CPZ: variants seen among roughly 807,000 people sequenced by gnomAD.
CPZ encodes carboxypeptidase Z.
A neutral mutation model predicts 61.8 loss-of-function variants in CPZ; 103 were observed. The ratio of observed to expected loss-of-function variants is 1.67; its 90% confidence interval spans 1.42 to 1.96. The LOEUF is 1.96. Ranked by LOEUF, CPZ falls within the 30% of genes most tolerant of loss-of-function variation. The probability of loss-of-function intolerance (pLI) is 0.00; values close to 1 mark genes in which losing one functional copy is unlikely to be tolerated. For missense variants in CPZ, 1,461 were observed against 914.9 expected (o/e 1.60, Z -7.70); for synonymous variants, 551 against 373.7 (o/e 1.47, Z -5.47).
rs1713895820 is a variant in CPZ, at chr4:8,592,890, G to C, written c.57G>C (p.Arg19=). ...LLTVLVVAAA[R]PGCEFERNPA... ...CAGTCCTGGTCGTCGCCGCTGCCCGGCCGGGGTGCGAGTTTGAGCGGAACC... is the reference window on the plus strand; with the variant it reads ...CAGTCCTGGTCGTCGCCGCTGCCCGCCCGGGGTGCGAGTTTGAGCGGAACC... The change falls in exon 1 of 11, where the codon CGG becomes CGC. Residue 19 remains arginine (R), a synonymous_variant. Coordinates refer to ENST00000360986, the MANE Select transcript of CPZ (RefSeq NM_001014447.3). The C allele has an allele frequency of 1.3e-6, 2 of 1,533,964 alleles. No homozygotes were observed. The highest frequency in any genetic ancestry group is 1.4e-5 in the African/African-American group (1 of 72,684).
chr4:8,599,570 C>T (rs758354338), intron 2 of CPZ, 85 bp downstream of exon 2: 101 of 1,584,236 alleles, frequency 6.4e-5, no homozygotes, highest in Middle Eastern at 1.7e-4. Context: ...CAGCTGAATC[C>T]GTGATTTCAG....
At chr4:8,606,693 G>T (rs1218040378) in intron 5 of CPZ, 44 bp from the exon 6 acceptor site, 7 of 1,612,266 alleles carry the variant, frequency 4.3e-6, no homozygotes. Context: ...GAGGAGGGTG[G>T]GGTGTGCTGA....
chr4:8,617,787 C>T (rs1560305330), intron 9 of CPZ, among the ~76,000 whole-genome samples: 1 of 152,088 alleles, frequency 6.6e-6, no homozygotes, highest in African/African-American at 2.4e-5. Context: ...AGAGCAGGGG[C>T]CGTGTGGGTG....
rs34198410 is a variant in CPZ, at chr4:8,619,335, CAA to C, written c.1679_1680del (p.Lys560SerfsTer71). ...TCATTGCCCAAGCCCCTGGCTACGC[CAA>C]AGTCATCAAGAAAGTCATCATCCCC... ...IVIAQAPGYA[K>X]VIKKVIIPAR... is the part of the protein sequence containing the mutation. On this transcript the variant is annotated frameshift_variant, in exon 11 of 11. Coordinates refer to ENST00000360986, the MANE Select transcript of CPZ (RefSeq NM_001014447.3). LOFTEE classifies it low-confidence loss of function (END_TRUNC). 4.3e-6 allele frequency: 7 copies of C among 1,614,172 alleles called. No homozygotes were observed. In the East Asian group the frequency reaches 1.3e-4, roughly 31 times the overall value.
intron 3 of CPZ, chr4:8,603,131 C>T (rs769529359): frequency 2.6e-5 from 4 of 152,246 alleles, no homozygotes; most frequent in Non-Finnish European, 5.9e-5. Flanking sequence ...TGAGCAGAAG[C>T]AAAACCACAG....
At chr4:8,611,804 C>T (rs1715719768) in intron 7 of CPZ, among the ~76,000 whole-genome samples, 4 of 152,036 alleles carry the variant, frequency 2.6e-5, no homozygotes, top group Admixed American at 2.0e-4. Context: ...GGACCTGGCC[C>T]CGAACTCCAG....
rs760149561 is a variant in CPZ at position 8,618,415 on chromosome 4, C to T, written c.1504-14C>T. 1.9e-6 allele frequency: 3 copies of T among 1,613,534 alleles called. No homozygotes were observed. Among genetic ancestry groups the T allele is most frequent in the Non-Finnish European group, 2.5e-6 (3 of 1,179,746 alleles). On this transcript the variant is annotated splice_polypyrimidine_tract_variant and intron_variant, in intron 9 of 10. Coordinates refer to ENST00000360986, the MANE Select transcript of CPZ (RefSeq NM_001014447.3). ...GCTCACGCCATCTCCCTGGCCTCCC[C>T]TTGGTCTCTTCAGGTGCACCGGGGC...
intron 7 of CPZ, among the ~76,000 whole-genome samples, chr4:8,608,670 G>A (rs529403139): frequency 7.3e-5 from 11 of 150,966 alleles, no homozygotes; most frequent in East Asian, 1.9e-4. Context: ...ATGTGCACAC[G>A]TGCATATGTT....
rs774574624 is a variant in CPZ at position 8,606,097 on chromosome 4, AC to A, written c.823del (p.Arg275AlafsTer17). The A allele has an allele frequency of 1.2e-6, 2 of 1,613,812 alleles. No homozygotes were observed. Among genetic ancestry groups the A allele is most frequent in the East Asian group, 2.2e-5 (1 of 44,856 alleles). ...QYLCSEYLLG[N>X]PRIQRLLNTT... ...CTGTGCTCTGAGTACCTGCTTGGTA[AC>A]CCCCGCATCCAGCGCCTGCTCAACA... On this transcript the variant is annotated frameshift_variant, in exon 5 of 11. Transcript: ENST00000360986. LOFTEE classifies it high-confidence loss of function.
intron 9 of CPZ, among the ~76,000 whole-genome samples, chr4:8,616,775 G>A (rs900003871): frequency 6.6e-6 from 1 of 152,172 alleles, no homozygotes; most frequent in Admixed American, 6.5e-5. Flanking sequence ...TACTTTTTAT[G>A]CTCTCCCTCC....
Position 8,619,623 on chromosome 4 carries a change from G to A in CPZ, c.*6G>A, listed in dbSNP as rs1480750104. 2 of 1,479,856 alleles carry A rather than the reference G, an allele frequency of 1.4e-6. No individual in the cohort carries two copies. Among genetic ancestry groups the A allele is most frequent in the Non-Finnish European group, 1.8e-6 (2 of 1,116,936 alleles). The allele number at this position is 1,479,856 out of a possible 1,614,324, so 91.7% of individuals were successfully genotyped here. A position where few individuals can be genotyped will look rare whatever the true frequency, so the allele number is the denominator to read the frequency against. ...GCTGGCTGCTCAAGTACTAGCCCCGGCCCCAGCACCCGCCAGGATGTGGAG... is the reference window on the plus strand; with the variant it reads ...GCTGGCTGCTCAAGTACTAGCCCCGACCCCAGCACCCGCCAGGATGTGGAG... On this transcript the variant is annotated 3_prime_UTR_variant, in exon 11 of 11. Coordinates refer to ENST00000360986, the MANE Select transcript of CPZ (RefSeq NM_001014447.3).
intron 3 of CPZ, chr4:8,602,959 T>A (rs1714682583): frequency 6.6e-6 from 1 of 152,316 alleles, no homozygotes; most frequent in Non-Finnish European, 1.5e-5. Context: ...GCTCAGTCCC[T>A]GTAGAGGTGG....
intron 8 of CPZ, 59 bp downstream of exon 8, chr4:8,612,221 G>GGGGGGC: frequency 2.4e-5 from 5 of 206,190 alleles, no homozygotes; most frequent in Non-Finnish European, 1.9e-5. Flanking sequence ...GCTGGGTGGG[G>GGGGGGC]CAGGGGCAAG....
chr4:8,613,442 G>A (rs530883551), intron 8 of CPZ, among the ~76,000 whole-genome samples: 84 of 152,264 alleles, frequency 5.5e-4, no homozygotes, highest in African/African-American at 1.9e-3. Flanking sequence ...TGTCCCTCTT[G>A]CCCCTGATAC....
chr4:8,600,653 C>T (rs931378405), intron 2 of CPZ, among the ~76,000 whole-genome samples: 1 of 152,248 alleles, frequency 6.6e-6, no homozygotes, highest in Non-Finnish European at 1.5e-5. Context: ...TGAGCCGCAT[C>T]TGTCATTATC....
At chr4:8,596,060 CT>C (rs58072015) in intron 1 of CPZ, among the ~76,000 whole-genome samples, 8 of 142,116 alleles carry the variant, frequency 5.6e-5, no homozygotes, top group Admixed American at 6.9e-5. Context: ...ACTGTTGTTG[CT>C]TTTTTTTTTC....
At chr4:8,594,866 G>A (rs1281031505) in intron 1 of CPZ, among the ~76,000 whole-genome samples, 2 of 151,818 alleles carry the variant, frequency 1.3e-5, no homozygotes, top group African/African-American at 2.4e-5. Context: ...TCCACCTCCC[G>A]GGTTCACGCC....
intron 8 of CPZ, among the ~76,000 whole-genome samples, 198 bp from the exon 9 acceptor site, chr4:8,614,161 C>G (rs1715954134): frequency 6.6e-6 from 1 of 152,252 alleles, no homozygotes; most frequent in South Asian, 2.1e-4. Context: ...CCCTCAGCTG[C>G]AGGAGGGGCG....
chr4:8,607,469 C>T (rs1005950216), intron 7 of CPZ, 44 bp downstream of exon 7: 19 of 1,596,512 alleles, frequency 1.2e-5, no homozygotes, highest in Non-Finnish European at 1.6e-5. Flanking sequence ...AGACAGTGTG[C>T]GCGGTCCCCT....
Sources: gnomAD v4.1 joint callset for allele counts (sites outside exome capture counted in the v4.1 genomes callset) on GRCh38, gnomAD v4.1.1 for gene constraint, MANE v1.5 for transcripts, NCBI Gene and HGNC (gene_info 2026-07-23, HGNC 2026-07-21) for gene names.